KLRC3: variants seen among roughly 807,000 people sequenced by gnomAD.
The protein encoded by KLRC3 is NKG2-E type II integral membrane protein.
A neutral mutation model predicts 23.6 loss-of-function variants in KLRC3; 16 were observed. The observed-to-expected ratio is 0.68, with a 90% CI of 0.46 to 1.03. KLRC3 has a LOEUF of 1.03. Ranked by LOEUF, KLRC3 falls within the 50% of genes least tolerant of loss-of-function variation. KLRC3 has a pLI of 0.00. For synonymous variants in KLRC3, 70 were observed against 71.8 expected (o/e 0.98, Z 0.13); for missense variants, 209 against 232.2 (o/e 0.90, Z 0.65).
In KLRC3 at chr12:10,419,955, G is replaced by A; in HGVS notation, c.197C>T (p.Pro66Leu). Residue 66 changes from proline to leucine, a missense_variant, in exon 2 of 7, where the codon CCA becomes CTA. Coordinates refer to ENST00000396439, the MANE Select transcript of KLRC3 (RefSeq NM_002261.3). The part of the protein sequence containing the change: ...DKIYDCQGLL[P>L]PPEKLTAEVL... ...CTCGGCAGTGAGCTTTTCTGGAGGT[G>A]GCAGTAAACCTGCAGGGAGAGAAAT... 2.1e-6 allele frequency: 1 copy of A among 479,178 alleles called. No individual in the cohort carries two copies. Among genetic ancestry groups the A allele is most frequent in the Non-Finnish European group, 3.7e-6 (1 of 270,452 alleles). The allele number at this position is 479,178 out of a possible 1,614,324, so 29.7% of individuals were successfully genotyped here. A position where few individuals can be genotyped will look rare whatever the true frequency, so the allele number is the denominator to read the frequency against.
chr12:10,419,471 T>G, intron 2 of KLRC3: 1 of 489,986 alleles, frequency 2.0e-6, no homozygotes, highest in South Asian at 1.9e-5. Context: ...GTTATTTATG[T>G]TGTGAAAAAT....
Position 10,412,343 on chromosome 12 carries a change from T to C in KLRC3, c.*229A>G. ...TGTTCATTGATTTATTTTCCAATCA[T>C]AACGGTCTGCATTTTAATATTAATA... On this transcript the variant is annotated 3_prime_UTR_variant, in exon 7 of 7. Coordinates refer to ENST00000396439, the MANE Select transcript of KLRC3 (RefSeq NM_002261.3). 1 of 559,268 alleles carries C rather than the reference T, an allele frequency of 1.8e-6. No individual in the cohort carries two copies. The highest frequency in any genetic ancestry group is 3.1e-6 in the Non-Finnish European group (1 of 318,590). 34.6% of individuals were successfully genotyped at this position (559,268 alleles called of 1,614,324 possible).
chr12:10,417,832 T>C (rs921606905), intron 4 of KLRC3, among the ~76,000 whole-genome samples: 1 of 152,112 alleles, frequency 6.6e-6, no homozygotes, highest in African/African-American at 2.4e-5. Context: ...TCCACAAATA[T>C]CAGATAGGAG....
At position 10,415,788 on chromosome 12, in the gene KLRC3, T is replaced by G; in HGVS notation, c.594A>C (p.Lys198Asn). ...AGTTACGTTCAGCATGATCTGAGTC[T>G]TTTATCCTGTAATGGAGAAAAATCC... ...INGLAFKHEI[K>N]DSDHAERNCA... is the part of the protein sequence containing the mutation. The change falls in exon 6 of 7, where the codon AAA (lysine) becomes AAC (asparagine). Residue 198 changes from lysine (K) to asparagine (N), a missense_variant. Physicochemically the swap from Lys to Asn is moderately conservative, Grantham distance 94 (BLOSUM62 0). Coordinates refer to ENST00000396439, the MANE Select transcript of KLRC3 (RefSeq NM_002261.3). 1 of 1,608,554 alleles carries G rather than the reference T, an allele frequency of 6.2e-7. No individual in the cohort carries two copies. Among genetic ancestry groups the G allele is most frequent in the South Asian group, 1.1e-5 (1 of 90,292 alleles).
chr12:10,415,328 C>G (rs1169850293), intron 6 of KLRC3, among the ~76,000 whole-genome samples: 1 of 152,128 alleles, frequency 6.6e-6, no homozygotes, highest in Non-Finnish European at 1.5e-5. Context: ...AACATTCTAG[C>G]AATTAGTGGA....
chr12:10,420,308 T>C, intron 1 of KLRC3, 56 bp downstream of exon 1: 1 of 1,544,212 alleles, frequency 6.5e-7, no homozygotes. Flanking sequence ...CTCACCCTTC[T>C]GCATTCAACT....
chr12:10,418,736 T>C (rs939989832), intron 3 of KLRC3, among the ~76,000 whole-genome samples: 4 of 152,078 alleles, frequency 2.6e-5, no homozygotes, highest in Non-Finnish European at 5.9e-5. Context: ...AAAAATACAC[T>C]CCACACATGT....
intron 6 of KLRC3, among the ~76,000 whole-genome samples, chr12:10,414,804 A>G (rs1863617155): frequency 6.6e-6 from 1 of 152,030 alleles, no homozygotes; most frequent in Admixed American, 6.5e-5. Context: ...AGAAAATAAA[A>G]TTGCTGTTTA....
In KLRC3 at chr12:10,416,683, A is replaced by G. The variant is rs765428494; in HGVS notation, c.571T>C (p.Leu191=). The change falls in exon 5 of 7, where the codon TTG becomes CTG. Residue 191 remains leucine (L), a synonymous_variant. Transcript: ENST00000396439. ...SHHPWVTING[L]AFKHEIKDSD... ...ACAACTTACTCATGTTTGAAAGCCA[A>G]ACCATTTATTGTCACCCATGGATGA... The G allele has an allele frequency of 9.1e-5, 147 of 1,610,596 alleles. No homozygotes were observed. The highest frequency in any genetic ancestry group is 1.2e-4 in the Non-Finnish European group (140 of 1,178,224).
intron 6 of KLRC3, among the ~76,000 whole-genome samples, chr12:10,412,914 T>G (rs1367730162): frequency 6.6e-6 from 1 of 152,156 alleles, no homozygotes; most frequent in Non-Finnish European, 1.5e-5. Flanking sequence ...CTTCTCTTGA[T>G]GCTTAATACA....
intron 4 of KLRC3, among the ~76,000 whole-genome samples, chr12:10,417,500 G>A (rs1187644968): frequency 5.9e-5 from 9 of 152,144 alleles, no homozygotes; most frequent in Admixed American, 5.2e-4. Context: ...GGAGGGTATC[G>A]AAGGAGAGTC....
rs537184428 is a variant in KLRC3 at position 10,413,027 on chromosome 12, T to G, written c.679-411A>C. 5.3e-5 allele frequency among the ~76,000 whole-genome samples: 8 copies of G among 152,244 alleles called. No individual in the cohort carries two copies. In the South Asian group the frequency reaches 1.7e-3, roughly 32 times the overall value. On this transcript the variant is annotated intron_variant, in intron 6 of 6. Coordinates refer to ENST00000396439, the MANE Select transcript of KLRC3 (RefSeq NM_002261.3). Reference sequence around the variant, plus strand: ...TACTCACACGGATACTCAATTTCAATGTAGTACCGCTAGCCAAGCTTGGCT... The same window carrying G: ...TACTCACACGGATACTCAATTTCAAGGTAGTACCGCTAGCCAAGCTTGGCT...
chr12:10,415,416 TACTTCATATAAACTG>T (rs1863626274), intron 6 of KLRC3, among the ~76,000 whole-genome samples: 1 of 152,224 alleles, frequency 6.6e-6, no homozygotes, highest in South Asian at 2.1e-4. Flanking sequence ...TTGTTCTTGA[TACTTCATATAAACTG>T]ACCAACATAA....
In KLRC3 at chr12:10,420,449, G is replaced by A. The variant is rs139064875; in HGVS notation, c.102C>T (p.Thr34=). The A allele has an allele frequency of 6.4e-5, 103 of 1,613,106 alleles. 1 individual carries two copies. The African/African-American group carries it at 1.3e-3, about 20-fold the overall frequency. The change falls in exon 1 of 7, where the codon ACC becomes ACT. Residue 34 remains threonine, a synonymous_variant. Transcript: ENST00000396439. The part of the protein sequence containing the change: ...PKGNKSSISG[T]EQEIFQVELN... Reference sequence around the variant, plus strand: ...ATTCTACTTGGAATATTTCCTGTTCGGTTCCTGAAATGGAGCTTTTATTGC... The same window carrying A: ...ATTCTACTTGGAATATTTCCTGTTCAGTTCCTGAAATGGAGCTTTTATTGC...
At position 10,415,792 on chromosome 12, in the gene KLRC3, A is replaced by C; in HGVS notation, c.590T>G (p.Ile197Arg). ...TINGLAFKHEIKDSDHAERNC... is the reference protein window; with the variant it reads ...TINGLAFKHERKDSDHAERNC... ...ACGTTCAGCATGATCTGAGTCTTTT[A>C]TCCTGTAATGGAGAAAAATCCATAA... is the stretch of plus-strand genomic sequence containing the variant. The change falls in exon 6 of 7, where the codon ATA becomes AGA. Residue 197 changes from isoleucine to arginine, a missense_variant and splice_region_variant. Physicochemically the swap from Ile to Arg is moderately conservative, Grantham distance 97. Transcript: ENST00000396439. 1.2e-6 allele frequency: 2 copies of C among 1,605,798 alleles called. No homozygotes were observed. The highest frequency in any genetic ancestry group is 1.7e-6 in the Non-Finnish European group (2 of 1,174,210).
rs762525989 is a variant in KLRC3 at position 10,415,794 on chromosome 12, C to T, written c.588G>A (p.Glu196=). The change falls in exon 6 of 7, where the codon GAG becomes GAA. Residue 196 remains glutamate (E), a splice_region_variant and synonymous_variant. Transcript: ENST00000396439. ...VTINGLAFKH[E]IKDSDHAERN... The stretch of plus-strand genomic sequence containing the variant: ...GTTCAGCATGATCTGAGTCTTTTAT[C>T]CTGTAATGGAGAAAAATCCATAATT... 6.2e-7 allele frequency: 1 copy of T among 1,605,460 alleles called. No individual in the cohort carries two copies. Among genetic ancestry groups the T allele is most frequent in the Non-Finnish European group, 8.5e-7 (1 of 1,174,494 alleles).
In KLRC3 at chr12:10,419,328, A is replaced by AAT. The variant is rs57948120; in HGVS notation, c.287-241_287-240insAT. Among the ~76,000 whole-genome samples, 2 of 3,720 alleles carry AAT rather than the reference A, an allele frequency of 5.4e-4. 1 individual carries two copies. Among genetic ancestry groups the AAT allele is most frequent in the South Asian group, 0.056 (2 of 36 alleles). 2.4% of individuals were successfully genotyped at this position (3,720 alleles called of 152,430 possible). ...TTTGATGTAACCACTTTCAAAAATT[A>AAT]GTTTTTCTAAATACTTTTCTTCTAT... On this transcript the variant is annotated intron_variant, in intron 2 of 6. Transcript: ENST00000396439.
chr12:10,419,762 A>G, intron 2 of KLRC3, 104 bp downstream of exon 2: 1 of 335,336 alleles, frequency 3.0e-6, no homozygotes, highest in Non-Finnish European at 5.7e-6. Flanking sequence ...TTTGAAAGAA[A>G]CAGTAAAATA....
At chr12:10,413,262 T>C (rs564215268) in intron 6 of KLRC3, among the ~76,000 whole-genome samples, 1 of 152,240 alleles carries the variant, frequency 6.6e-6, no homozygotes, top group East Asian at 1.9e-4. Context: ...AATTCAGTAA[T>C]ATATGTCAAA....
Sources: allele counts gnomAD v4.1 joint callset (sites outside exome capture counted in the v4.1 genomes callset), GRCh38; gene constraint gnomAD v4.1.1; transcripts MANE v1.5; gene names NCBI Gene and HGNC (gene_info 2026-07-23, HGNC 2026-07-21).